CNTN1: variants seen among roughly 807,000 people sequenced by gnomAD.
CNTN1 encodes contactin 1.
Under a neutral mutation model 126.4 loss-of-function variants are expected in CNTN1, and 38 were observed. That is an observed-to-expected ratio of 0.30 (90% confidence interval 0.23 to 0.39). The LOEUF (loss-of-function observed/expected upper bound fraction) is 0.39. Among genes scored for constraint, CNTN1 ranks in the 10% least tolerant of loss-of-function variants. CNTN1 has a pLI of 1.00. For synonymous variants in CNTN1, 413 were observed against 422.6 expected (o/e 0.98, Z 0.28); for missense variants, 1,009 against 1,248.4 (o/e 0.81, Z 2.89).
intron 1 of CNTN1, among the ~76,000 whole-genome samples, chr12:40,874,581 A>C (rs1943608992): frequency 6.6e-6 from 1 of 152,148 alleles, no homozygotes; most frequent in Non-Finnish European, 1.5e-5. Context: ...TTTATGATAA[A>C]TATGACGCTT....
At chr12:40,925,589 A>ATGTATATATATATATACG (rs1565961832) in intron 6 of CNTN1, among the ~76,000 whole-genome samples, 4 of 132,912 alleles carry the variant, frequency 3.0e-5, no homozygotes, top group Admixed American at 7.6e-5. Flanking sequence ...GTATATATAC[A>ATGTATATATATATATACG]TGTATATATA....
At chr12:40,826,634 A>G (rs1422128562) in intron 1 of CNTN1, among the ~76,000 whole-genome samples, 1 of 152,180 alleles carries the variant, frequency 6.6e-6, no homozygotes, top group African/African-American at 2.4e-5. Flanking sequence ...ACCTATTGTC[A>G]TCAGCACCCC....
intron 1 of CNTN1, among the ~76,000 whole-genome samples, chr12:40,787,727 T>C (rs1251134369): frequency 1.3e-5 from 2 of 152,174 alleles, no homozygotes; most frequent in African/African-American, 4.8e-5. Flanking sequence ...ACATAAGCTT[T>C]ATTTTTTCCC....
intron 16 of CNTN1, among the ~76,000 whole-genome samples, chr12:40,982,181 A>C (rs1015421640): frequency 1.3e-5 from 2 of 152,108 alleles, no homozygotes; most frequent in Non-Finnish European, 2.9e-5. Flanking sequence ...TAAGTGTATA[A>C]AGTTGCAATA....
At chr12:40,703,862 A>G (rs2121125000) in intron 1 of CNTN1, among the ~76,000 whole-genome samples, 1 of 152,260 alleles carries the variant, frequency 6.6e-6, no homozygotes, top group East Asian at 1.9e-4. Context: ...GGGGCTAGAG[A>G]TACAGTAATG....
rs1342776254 is a variant in CNTN1, at chr12:40,947,776, TATATATACACACACACAC to T, written c.1683+3608_1683+3625del. On this transcript the variant is annotated intron_variant, in intron 14 of 23. Coordinates refer to ENST00000551295, the MANE Select transcript of CNTN1 (RefSeq NM_001843.4). ...ATTGTCACTATTTCATATATATATATATATATACACACACACACACACACACACACACACACACACACA... is the reference window on the plus strand; with the variant it reads ...ATTGTCACTATTTCATATATATATATACACACACACACACACACACACACA... Among the ~76,000 whole-genome samples the T allele has an allele frequency of 1.2e-3, 106 of 89,618 alleles. 1 individual carries two copies. The highest frequency in any genetic ancestry group is 7.0e-3 in the East Asian group (23 of 3,282). The allele number at this position is 89,618 out of a possible 152,430, so 58.8% of individuals were successfully genotyped here. A position where few individuals can be genotyped will look rare whatever the true frequency, so the allele number is the denominator to read the frequency against.
intron 1 of CNTN1, among the ~76,000 whole-genome samples, chr12:40,819,612 C>T (rs2136523783): frequency 6.6e-6 from 1 of 152,200 alleles, no homozygotes; most frequent in South Asian, 2.1e-4. Context: ...GCATGTTAGG[C>T]ATTGTAGGTC....
In CNTN1 at chr12:40,946,230, G is replaced by T. The variant is rs137871229; in HGVS notation, c.1683+2060G>T. 6.7e-3 allele frequency among the ~76,000 whole-genome samples: 1,015 copies of T among 152,142 alleles called. 13 individuals are homozygous for T. Among genetic ancestry groups the T allele is most frequent in the African/African-American group, 0.023 (962 of 41,518 alleles). ...GGTCAATATGCCATGCAAAATTTAA[G>T]TAAAAACGCTATAAATATTTGATCC... is the stretch of plus-strand genomic sequence containing the variant. On this transcript the variant is annotated intron_variant, in intron 14 of 23. Coordinates refer to ENST00000551295, the MANE Select transcript of CNTN1 (RefSeq NM_001843.4).
intron 1 of CNTN1, among the ~76,000 whole-genome samples, chr12:40,786,290 C>T (rs1219574632): frequency 6.6e-6 from 1 of 152,114 alleles, no homozygotes; most frequent in Non-Finnish European, 1.5e-5. Flanking sequence ...CTTTGTGTAC[C>T]ACCTCTTCAT....
chr12:40,844,260 G>A (rs922597553), intron 1 of CNTN1, among the ~76,000 whole-genome samples: 11 of 151,286 alleles, frequency 7.3e-5, no homozygotes, highest in African/African-American at 2.4e-4. Context: ...TAGAGACGGG[G>A]TTTCACCGTA....
chr12:40,995,539 A>G (rs1948191974), intron 17 of CNTN1, among the ~76,000 whole-genome samples: 1 of 152,180 alleles, frequency 6.6e-6, no homozygotes, highest in Non-Finnish European at 1.5e-5. Context: ...ACTTTAAACC[A>G]ACTTATTTTT....
chr12:40,733,664 A>T (rs532191461), intron 1 of CNTN1, among the ~76,000 whole-genome samples: 10 of 150,874 alleles, frequency 6.6e-5, no homozygotes, highest in Admixed American at 1.3e-4. Flanking sequence ...CCAATTTGAT[A>T]AAAAAAAGTA....
rs1225011721 is a variant in CNTN1 at position 40,792,300 on chromosome 12, G to C, written c.-77+99708G>C. Among the ~76,000 whole-genome samples, 4 of 151,984 alleles carry C rather than the reference G, an allele frequency of 2.6e-5. No individual in the cohort carries two copies. In the East Asian group the frequency reaches 7.7e-4, roughly 29 times the overall value. ...CTAAACTCCTTGAACCACACATGTTGACAGTGGTAAAATGAGGAGGCAATG... is the reference window on the plus strand; with the variant it reads ...CTAAACTCCTTGAACCACACATGTTCACAGTGGTAAAATGAGGAGGCAATG... On this transcript the variant is annotated intron_variant, in intron 1 of 23. Coordinates refer to ENST00000551295, the MANE Select transcript of CNTN1 (RefSeq NM_001843.4).
Position 40,766,356 on chromosome 12 carries a change from T to TAAA in CNTN1, c.-77+73779_-77+73781dup, listed in dbSNP as rs11381914. ...TGGGTGACGGAATGAAACTCCGTCT[T>TAAA]AAAAAAAAAAAAAAAAAGAAAGAAA... On this transcript the variant is annotated intron_variant, in intron 1 of 23. Transcript: ENST00000551295. Among the ~76,000 whole-genome samples, 5 of 133,808 alleles carry TAAA rather than the reference T, an allele frequency of 3.7e-5. No homozygotes were observed. In the East Asian group the frequency reaches 6.5e-4, roughly 17 times the overall value. 87.8% of individuals were successfully genotyped at this position (133,808 alleles called of 152,430 possible).
intron 1 of CNTN1, among the ~76,000 whole-genome samples, chr12:40,744,874 T>C (rs147287728): frequency 3.1e-3 from 472 of 152,254 alleles, no homozygotes; most frequent in African/African-American, 0.011. Context: ...AAAATAAAAT[T>C]ACTGTTTTGG....
chr12:40,874,292 TA>T (rs1943598474), intron 1 of CNTN1, among the ~76,000 whole-genome samples: 2 of 152,212 alleles, frequency 1.3e-5, no homozygotes, highest in Admixed American at 1.3e-4. Flanking sequence ...ACGTATTAGT[TA>T]TCATTATTTT....
intron 14 of CNTN1, among the ~76,000 whole-genome samples, chr12:40,948,815 C>T (rs1424792089): frequency 6.6e-6 from 1 of 152,180 alleles, no homozygotes; most frequent in Non-Finnish European, 1.5e-5. Flanking sequence ...GCCCAAATTA[C>T]TTCATTCTCC....
intron 14 of CNTN1, among the ~76,000 whole-genome samples, chr12:40,946,359 T>C (rs1362552060): frequency 6.6e-6 from 1 of 152,166 alleles, no homozygotes; most frequent in Non-Finnish European, 1.5e-5. Flanking sequence ...AGTGAATATA[T>C]ATATGTCTCT....
intron 1 of CNTN1, among the ~76,000 whole-genome samples, chr12:40,774,353 T>C (rs1939492227): frequency 6.6e-6 from 1 of 151,590 alleles, no homozygotes; most frequent in East Asian, 1.9e-4. Flanking sequence ...GCAGTCACGA[T>C]TGTGATGTCT....
Sources: allele counts gnomAD v4.1 joint callset (sites outside exome capture counted in the v4.1 genomes callset), GRCh38; gene constraint gnomAD v4.1.1; transcripts MANE v1.5; gene names NCBI Gene and HGNC (gene_info 2026-07-23, HGNC 2026-07-21).